Variants in TSNARE1 observed in about 807,000 individuals in gnomAD.
TSNARE1 encodes t-SNARE domain-containing protein 1.
In TSNARE1, 49 loss-of-function variants were observed where a neutral mutation model predicts 62.0. The observed-to-expected ratio is 0.79, with a 90% CI of 0.63 to 1.00. The LOEUF (loss-of-function observed/expected upper bound fraction) is 1.00, where lower values mean the gene tolerates loss of function less well. Among genes scored for constraint, TSNARE1 ranks in the 50% least tolerant of loss-of-function variants. The pLI is 0.00. For missense variants in TSNARE1, 755 were observed against 700.1 expected, an observed-to-expected ratio of 1.08 and a Z score of -0.88; for synonymous variants, 328 against 294.4, an observed-to-expected ratio of 1.11 and a Z score of -1.17.
In TSNARE1 at chr8:142,344,477, A is replaced by G. The variant is rs1375135415; in HGVS notation, c.239-5T>C. 2 of 1,516,218 alleles carry G rather than the reference A, an allele frequency of 1.3e-6. No homozygotes were observed. Among genetic ancestry groups the G allele is most frequent in the Non-Finnish European group, 1.8e-6 (2 of 1,138,442 alleles). The allele number at this position is 1,516,218 out of a possible 1,614,324, so 93.9% of individuals were successfully genotyped here. A position where few individuals can be genotyped will look rare whatever the true frequency, so the allele number is the denominator to read the frequency against. The stretch of plus-strand genomic sequence containing the variant: ...CTTCAGGGGCAACCCCAGGCCCTGG[A>G]AAGGCACCAAAAGGCGGATGTTTAA... On this transcript the variant is annotated splice_polypyrimidine_tract_variant and splice_region_variant and intron_variant, in intron 3 of 13. Transcript: ENST00000524325.
intron 12 of TSNARE1, among the ~76,000 whole-genome samples, chr8:142,258,823 G>A (rs1243334739): frequency 6.6e-6 from 1 of 152,136 alleles, no homozygotes; most frequent in Non-Finnish European, 1.5e-5. Context: ...CGCCCAGCCA[G>A]AACGCATGCC....
intron 11 of TSNARE1, chr8:142,275,107 C>G: frequency 1.0e-6 from 1 of 985,398 alleles, no homozygotes; most frequent in African/African-American, 1.7e-5. Flanking sequence ...TCAGTGCCCA[C>G]ACCAGGTGGG....
chr8:142,235,558 G>A (rs537910079), intron 12 of TSNARE1, among the ~76,000 whole-genome samples: 4 of 152,166 alleles, frequency 2.6e-5, no homozygotes, highest in African/African-American at 9.6e-5. Flanking sequence ...ATTCAAAATC[G>A]GAGCCATTTG....
chr8:142,382,281 C>T (rs1564006422), intron 1 of TSNARE1, among the ~76,000 whole-genome samples: 1 of 152,198 alleles, frequency 6.6e-6, no homozygotes, highest in Non-Finnish European at 1.5e-5. Context: ...CCCCCAGGCA[C>T]CTCGTAGACC....
At chr8:142,327,935 T>G (rs987357032) in intron 6 of TSNARE1, among the ~76,000 whole-genome samples, 1 of 151,982 alleles carries the variant, frequency 6.6e-6, no homozygotes, top group Non-Finnish European at 1.5e-5. Context: ...CCACCTCTAA[T>G]GCATCCCCAC....
At chr8:142,338,321 C>T (rs1368237642) in intron 4 of TSNARE1, among the ~76,000 whole-genome samples, 2 of 152,352 alleles carry the variant, frequency 1.3e-5, no homozygotes, top group Middle Eastern at 3.4e-3. Flanking sequence ...GGGTCTGGGT[C>T]CCCACCTGCT....
intron 12 of TSNARE1, chr8:142,272,565 C>T (rs1819740882): frequency 1.6e-6 from 1 of 643,142 alleles, no homozygotes; most frequent in Non-Finnish European, 1.9e-6. Flanking sequence ...TCCTTCCATC[C>T]ACCCACCCGT....
rs1325835854 is a variant in TSNARE1, at chr8:142,403,146, G to A, written c.-82C>T. 4.0e-5 allele frequency: 6 copies of A among 148,374 alleles called. No homozygotes were observed. The highest frequency in any genetic ancestry group is 2.0e-4 in the East Asian group (1 of 5,080). 9.2% of individuals were successfully genotyped at this position (148,374 alleles called of 1,614,324 possible). A position where few individuals can be genotyped will look rare whatever the true frequency, so the allele number is the denominator to read the frequency against. On this transcript the variant is annotated 5_prime_UTR_variant, in exon 1 of 14. Coordinates refer to ENST00000524325, the MANE Select transcript of TSNARE1 (RefSeq NM_145003.5). ...GCGGACCGCTCCGGGCGCTCACGGCGGGCGAGGCGGGCGGGGCGGGCACCC... is the reference window on the plus strand; with the variant it reads ...GCGGACCGCTCCGGGCGCTCACGGCAGGCGAGGCGGGCGGGGCGGGCACCC...
At chr8:142,401,821 C>T (rs577819474) in intron 1 of TSNARE1, among the ~76,000 whole-genome samples, 2 of 152,306 alleles carry the variant, frequency 1.3e-5, no homozygotes, top group South Asian at 2.1e-4. Context: ...AACATTTGTT[C>T]TACCAGATTT....
rs554079909 is a variant in TSNARE1 at position 142,319,908 on chromosome 8, G to A, written c.894-1274C>T. 6.6e-6 allele frequency among the ~76,000 whole-genome samples: 1 copy of A among 152,286 alleles called. No homozygotes were observed. The highest frequency in any genetic ancestry group is 2.1e-4 in the South Asian group (1 of 4,828). ...GGGGACAGGAGCTTTCTTCCCCGGG[G>A]CCTTGGTCAGGGCCGCCTCCTCCTG... is the stretch of plus-strand genomic sequence containing the variant. On this transcript the variant is annotated intron_variant, in intron 6 of 13. Transcript: ENST00000524325. This position sits in a 1 kb window ranked among gnomAD's most constrained non-coding sequence, Gnocchi z 4.9.
chr8:142,385,108 A>AGAGG (rs1372246658), intron 1 of TSNARE1, among the ~76,000 whole-genome samples: 11 of 152,050 alleles, frequency 7.2e-5, no homozygotes, highest in African/African-American at 1.7e-4. Flanking sequence ...AGGAAGGAAG[A>AGAGG]GAGGGAGGGA....
intron 1 of TSNARE1, among the ~76,000 whole-genome samples, chr8:142,390,954 A>C (rs374857070): frequency 1.0e-5 from 1 of 96,092 alleles, no homozygotes; most frequent in East Asian, 3.9e-4. Flanking sequence ...AGGGGACTCT[A>C]TAGCAGACGC....
intron 12 of TSNARE1, among the ~76,000 whole-genome samples, chr8:142,242,741 C>G (rs1040540944): frequency 1.2e-4 from 19 of 152,102 alleles, no homozygotes; most frequent in African/African-American, 4.3e-4. Context: ...GCGGGTGGAT[C>G]ACCTGAGGTC....
chr8:142,278,760 G>A lies in TSNARE1; in HGVS notation c.1364-3897C>T, dbSNP rs1047963141. On this transcript the variant is annotated intron_variant, in intron 11 of 13. Transcript: ENST00000524325. ...GAAGGGGGCACAGCGTGCCTGACAG[G>A]CTGAGAGTCACCGGACAGCACCACG... 4.7e-5 allele frequency: 46 copies of A among 985,344 alleles called. No homozygotes were observed. The Admixed American group carries it at 6.1e-4, about 13-fold the overall frequency. 61.0% of individuals were successfully genotyped at this position (985,344 alleles called of 1,614,324 possible). A position where few individuals can be genotyped will look rare whatever the true frequency, so the allele number is the denominator to read the frequency against.
At chr8:142,364,405 C>G (rs1835388379) in intron 1 of TSNARE1, among the ~76,000 whole-genome samples, 1 of 152,132 alleles carries the variant, frequency 6.6e-6, no homozygotes, top group Non-Finnish European at 1.5e-5. Context: ...TATATATAAT[C>G]ACACAGGCAC....
intron 12 of TSNARE1, among the ~76,000 whole-genome samples, chr8:142,271,965 G>A (rs1048852396): frequency 5.3e-5 from 8 of 151,900 alleles, no homozygotes; most frequent in Non-Finnish European, 1.2e-4. Context: ...AGCACCACTT[G>A]TATTCATCCT....
chr8:142,401,414 G>A (rs1838283709), intron 1 of TSNARE1, among the ~76,000 whole-genome samples: 1 of 151,968 alleles, frequency 6.6e-6, no homozygotes, highest in South Asian at 2.1e-4. Flanking sequence ...GACTATGCAG[G>A]AAAAATGACT....
intron 1 of TSNARE1, among the ~76,000 whole-genome samples, chr8:142,393,885 G>A (rs1837717363): frequency 6.6e-6 from 1 of 152,204 alleles, no homozygotes; most frequent in Non-Finnish European, 1.5e-5. Flanking sequence ...GGGAGTGTGG[G>A]GCACTTCCTG....
chr8:142,232,712 G>A (rs1196257154), intron 12 of TSNARE1, among the ~76,000 whole-genome samples: 1 of 152,230 alleles, frequency 6.6e-6, no homozygotes, highest in African/African-American at 2.4e-5. Flanking sequence ...CTCCGTATCT[G>A]GACACCGACT....
Sources: allele counts gnomAD v4.1 joint callset (sites outside exome capture counted in the v4.1 genomes callset), GRCh38; gene constraint gnomAD v4.1.1; non-coding constraint Gnocchi (gnomAD v3.1); transcripts MANE v1.5; gene names NCBI Gene and HGNC (gene_info 2026-07-23, HGNC 2026-07-21).